Variants in ANKRD24 observed in about 807,000 individuals in gnomAD.
The protein encoded by ANKRD24 is ankyrin repeat domain-containing protein 24.
In ANKRD24, 109 loss-of-function variants were observed where a neutral mutation model predicts 127.8. The observed-to-expected ratio is 0.85, with a 90% confidence interval of 0.73 to 1.00. The LOEUF (loss-of-function observed/expected upper bound fraction) is 1.00, where lower values mean the gene tolerates loss of function less well. Ranked by LOEUF, ANKRD24 falls within the 50% of genes least tolerant of loss-of-function variation. The pLI, the probability that ANKRD24 is intolerant of heterozygous loss-of-function variation, is 0.00. For missense variants in ANKRD24, 1,648 were observed against 1,570.2 expected (o/e 1.05, Z -0.84); for synonymous variants, 743 against 671.1 (o/e 1.11, Z -1.66).
At chr19:4,191,130 C>G (rs80053370) in intron 2 of ANKRD24, among the ~76,000 whole-genome samples, 3,546 of 152,282 alleles carry the variant, frequency 0.023, 48 homozygotes, top group Non-Finnish European at 0.037. Flanking sequence ...GGAACTGTTG[C>G]AGCAGATGGG....
intron 17 of ANKRD24, 54 bp downstream of exon 17, chr19:4,216,456 G>A: frequency 1.3e-6 from 2 of 1,555,486 alleles, no homozygotes; most frequent in Admixed American, 1.9e-5. Context: ...GGTTCCCTGA[G>A]GTCAGGGTGG....
chr19:4,190,549 A>AC (rs1371882763), intron 2 of ANKRD24, among the ~76,000 whole-genome samples: 1 of 151,206 alleles, frequency 6.6e-6, no homozygotes, highest in African/African-American at 2.4e-5. Context: ...ACATGGTGAA[A>AC]CCCCCTCTCT....
At position 4,206,652 on chromosome 19, in the gene ANKRD24, T is replaced by G. The variant is rs189111394; in HGVS notation, c.467-590T>G. Among the ~76,000 whole-genome samples the G allele has an allele frequency of 8.1e-4, 123 of 152,000 alleles. 3 individuals are homozygous for G. Among genetic ancestry groups the G allele is most frequent in the Admixed American group, 7.4e-3 (113 of 15,248 alleles). The stretch of plus-strand genomic sequence containing the variant: ...CTACAAAAAGTATAGGGAACCACAG[T>G]GCTTGGGACTGGCAGTCGGCAGACC... On this transcript the variant is annotated intron_variant, in intron 7 of 21. Transcript: ENST00000318934.
intron 6 of ANKRD24, 110 bp from the exon 7 acceptor site, chr19:4,202,759 C>T (rs1969163225): frequency 1.0e-5 from 12 of 1,173,104 alleles, no homozygotes; most frequent in Non-Finnish European, 1.4e-5. Context: ...TTGGGGGCCA[C>T]GGAAGGGTGA....
Position 4,217,903 on chromosome 19 carries a change from C to T in ANKRD24, c.2743C>T (p.Pro915Ser). The T allele has an allele frequency of 6.7e-7, 1 of 1,482,358 alleles. No individual in the cohort carries two copies. Among genetic ancestry groups the T allele is most frequent in the Non-Finnish European group, 8.9e-7 (1 of 1,123,738 alleles). The allele number at this position is 1,482,358 out of a possible 1,614,324, so 91.8% of individuals were successfully genotyped here. Reference protein sequence around the residue: ...ASEALRQSVVPASEHRRLQEE... With the variant: ...ASEALRQSVVSASEHRRLQEE... Reference sequence around the variant, plus strand: ...CGAGGCCCTCCGCCAGTCCGTGGTGCCGGCCTCTGAGCACCGCCGGCTGCA... The same window carrying T: ...CGAGGCCCTCCGCCAGTCCGTGGTGTCGGCCTCTGAGCACCGCCGGCTGCA... The change falls in exon 18 of 22, where the codon CCG becomes TCG. Residue 915 changes from proline to serine, a missense_variant. Transcript: ENST00000318934.
In ANKRD24 at chr19:4,189,334, T is replaced by C. The variant is rs374012191; in HGVS notation, c.36+2873T>C. Among the ~76,000 whole-genome samples the C allele has an allele frequency of 4.9e-5, 7 of 142,402 alleles. No individual in the cohort carries two copies. In the East Asian group the frequency reaches 9.2e-4, roughly 19 times the overall value. The allele number at this position is 142,402 out of a possible 152,430, so 93.4% of individuals were successfully genotyped here. On this transcript the variant is annotated intron_variant, in intron 2 of 21. Coordinates refer to ENST00000318934, the MANE Select transcript of ANKRD24 (RefSeq NM_001393985.1). The stretch of plus-strand genomic sequence containing the variant: ...GATCTTGGCTCACTGCAAGCTCCAC[T>C]TCCTGGATTCAAGCTATTCTTTTCT...
chr19:4,224,543 CGCAGGGACCTCACCCCCCT>C lies in ANKRD24; in HGVS notation c.*44_*62del, dbSNP rs1568350775. 1 of 1,568,928 alleles carries C rather than the reference CGCAGGGACCTCACCCCCCT, an allele frequency of 6.4e-7. No individual in the cohort carries two copies. Among genetic ancestry groups the C allele is most frequent in the Non-Finnish European group, 8.7e-7 (1 of 1,152,578 alleles). ...CCAGTGGCTACACTGACCACACCCA[CGCAGGGACCTCACCCCCCT>C]GCAGGCCCCTTGCAGACCGGCTTCA... On this transcript the variant is annotated 3_prime_UTR_variant, in exon 22 of 22. Coordinates refer to ENST00000318934, the MANE Select transcript of ANKRD24 (RefSeq NM_001393985.1).
chr19:4,197,058 C>T (rs1452695846), intron 2 of ANKRD24, among the ~76,000 whole-genome samples: 1 of 152,176 alleles, frequency 6.6e-6, no homozygotes, highest in Non-Finnish European at 1.5e-5. Context: ...CGACTGAGTG[C>T]TGCCAGGTAG....
Position 4,195,172 on chromosome 19 carries a change from A to C in ANKRD24, c.37-4511A>C, listed in dbSNP as rs1184475881. ...ACTGCAAGCTCCGCCTCCCGGGTGC[A>C]CGCCATTCTCCTGCCTCAGTCTCCC... On this transcript the variant is annotated intron_variant, in intron 2 of 21. Coordinates refer to ENST00000318934, the MANE Select transcript of ANKRD24 (RefSeq NM_001393985.1). The surrounding 1 kb of genome is among the most constrained non-coding windows in gnomAD (Gnocchi z 4.2). Among the ~76,000 whole-genome samples, 1 of 151,462 alleles carries C rather than the reference A, an allele frequency of 6.6e-6. No individual in the cohort carries two copies. The highest frequency in any genetic ancestry group is 1.5e-5 in the Non-Finnish European group (1 of 67,668).
intron 19 of ANKRD24, among the ~76,000 whole-genome samples, chr19:4,220,657 C>T (rs916320302): frequency 1.3e-5 from 2 of 151,776 alleles, no homozygotes; most frequent in African/African-American, 4.8e-5. Context: ...CGGGTTCACG[C>T]CATTCTCCTG....
chr19:4,216,389 T>A lies in ANKRD24; in HGVS notation c.1376T>A (p.Met459Lys). ...AVLTRQNQEL[M>K]EKVQILENFE... ...CTCACCAGACAGAACCAGGAACTGA[T>A]GGAGAAGGTCCAGGTAGGGAAAGTG... The change falls in exon 17 of 22, where the codon ATG becomes AAG. Residue 459 changes from methionine to lysine, a missense_variant. Physicochemically the swap from Met to Lys is moderately conservative, Grantham distance 95. Transcript: ENST00000318934. 1 of 1,570,136 alleles carries A rather than the reference T, an allele frequency of 6.4e-7. No homozygotes were observed. Among genetic ancestry groups the A allele is most frequent in the Middle Eastern group, 1.7e-4 (1 of 6,022 alleles).
chr19:4,213,292 CTT>C (rs1238063685), intron 15 of ANKRD24, among the ~76,000 whole-genome samples: 2 of 146,184 alleles, frequency 1.4e-5, no homozygotes, highest in Admixed American at 6.9e-5. Flanking sequence ...TCCTTCCTTC[CTT>C]TCTTTCCTTC....
At position 4,217,049 on chromosome 19, in the gene ANKRD24, C is replaced by G; in HGVS notation, c.1889C>G (p.Thr630Arg). 6.2e-7 allele frequency: 1 copy of G among 1,613,922 alleles called. No homozygotes were observed. The highest frequency in any genetic ancestry group is 8.5e-7 in the Non-Finnish European group (1 of 1,179,888). Residue 630 changes from threonine (T) to arginine (R), a missense_variant, in exon 18 of 22, where the codon ACA becomes AGA. By Grantham distance (71) the Thr-to-Arg change is moderately conservative. Coordinates refer to ENST00000318934, the MANE Select transcript of ANKRD24 (RefSeq NM_001393985.1). ...TKPTGAQATD[T>R]ETTGVEAMGV... Reference sequence around the variant, plus strand: ...CCCACAGGAGCTCAGGCCACAGACACAGAGACCACGGGAGTGGAGGCCATG... The same window carrying G: ...CCCACAGGAGCTCAGGCCACAGACAGAGAGACCACGGGAGTGGAGGCCATG...
intron 11 of ANKRD24, 179 bp downstream of exon 11, chr19:4,208,980 G>T: frequency 1.8e-5 from 9 of 486,890 alleles, no homozygotes; most frequent in East Asian, 4.8e-5. Context: ...CTAACTCCCA[G>T]AACTGGGTGA....
chr19:4,186,192 G>T, intron 1 of ANKRD24, 198 bp from the exon 2 acceptor site: 1 of 1,259,886 alleles, frequency 7.9e-7, no homozygotes, highest in Non-Finnish European at 1.0e-6. Context: ...TATAGATGAG[G>T]GAAGTAAAAC....
chr19:4,198,018 T>C lies in ANKRD24; in HGVS notation c.37-1665T>C. The C allele has an allele frequency of 2.5e-6, 1 of 406,830 alleles. No individual in the cohort carries two copies. The highest frequency in any genetic ancestry group is 4.3e-6 in the Non-Finnish European group (1 of 230,048). 25.2% of individuals were successfully genotyped at this position (406,830 alleles called of 1,614,324 possible). A position where few individuals can be genotyped will look rare whatever the true frequency, so the allele number is the denominator to read the frequency against. On this transcript the variant is annotated intron_variant, in intron 2 of 21. Transcript: ENST00000318934. This position sits in a 1 kb window ranked among gnomAD's most constrained non-coding sequence, Gnocchi z 6.1. ...ATGAGTGAATGAATGAAAGTGTGAG[T>C]GGCGAGAGCCCTGCCGGCCGCGTGG... is the stretch of plus-strand genomic sequence containing the variant.
At position 4,195,837 on chromosome 19, in the gene ANKRD24, T is replaced by C. The variant is rs138400305; in HGVS notation, c.37-3846T>C. Among the ~76,000 whole-genome samples, 1,655 of 152,232 alleles carry C rather than the reference T, an allele frequency of 0.011. 35 individuals are homozygous for C. Among genetic ancestry groups the C allele is most frequent in the African/African-American group, 0.038 (1,576 of 41,530 alleles). ...TGAACCCGGGAGGCAGAGCTTGCAGTGAGCCGAGATCGCACCACTGCACTC... is the reference window on the plus strand; with the variant it reads ...TGAACCCGGGAGGCAGAGCTTGCAGCGAGCCGAGATCGCACCACTGCACTC... On this transcript the variant is annotated intron_variant, in intron 2 of 21. Coordinates refer to ENST00000318934, the MANE Select transcript of ANKRD24 (RefSeq NM_001393985.1). The surrounding 1 kb of genome is among the most constrained non-coding windows in gnomAD (Gnocchi z 4.2).
chr19:4,217,207 G>A lies in ANKRD24; in HGVS notation c.2047G>A (p.Glu683Lys), dbSNP rs752355124. 2.5e-6 allele frequency: 4 copies of A among 1,607,146 alleles called. No individual in the cohort carries two copies. Among genetic ancestry groups the A allele is most frequent in the South Asian group, 1.1e-5 (1 of 90,272 alleles). The change falls in exon 18 of 22, where the codon GAA becomes AAA. Residue 683 changes from glutamate (E) to lysine (K), a missense_variant. Physicochemically the swap from Glu to Lys is moderately conservative, Grantham distance 56. Coordinates refer to ENST00000318934, the MANE Select transcript of ANKRD24 (RefSeq NM_001393985.1). The part of the protein sequence containing the change: ...EATGSRATGM[E>K]STGVSATGVE... ...CACGGGCTCTAGGGCCACAGGGATG[G>A]AATCCACAGGAGTCAGTGCCACAGG...
At chr19:4,216,492 G>C in intron 17 of ANKRD24, 58 bp from the exon 18 acceptor site, 1 of 1,561,068 alleles carries the variant, frequency 6.4e-7, no homozygotes. Context: ...AGGCTGCCCT[G>C]TGTCCCCACG....
Sources: allele counts gnomAD v4.1 joint callset (sites outside exome capture counted in the v4.1 genomes callset), GRCh38; gene constraint gnomAD v4.1.1; non-coding constraint Gnocchi (gnomAD v3.1); transcripts MANE v1.5; gene names NCBI Gene and HGNC (gene_info 2026-07-23, HGNC 2026-07-21).